PRRC2C: variants seen among roughly 807,000 people sequenced by gnomAD.
PRRC2C encodes the protein proline rich coiled-coil 2C.
Under a neutral mutation model 317.2 loss-of-function variants are expected in PRRC2C, and 72 were observed. The ratio of observed to expected loss-of-function variants is 0.23; its 90% CI spans 0.19 to 0.28. The LOEUF (loss-of-function observed/expected upper bound fraction) is 0.28, where lower values mean the gene tolerates loss of function less well. PRRC2C is among the 10% of genes least tolerant of loss of function. The pLI is 1.00. For synonymous variants in PRRC2C, 1,296 were observed against 1,205.9 expected, an observed-to-expected ratio of 1.07 and a Z score of -1.55; for missense variants, 3,074 against 3,459.7, an observed-to-expected ratio of 0.89 and a Z score of 2.80.
rs1237296830 is a variant in PRRC2C at position 171,586,093 on chromosome 1, G to A, written c.7750-910G>A. Among the ~76,000 whole-genome samples, 4 of 35,144 alleles carry A rather than the reference G, an allele frequency of 1.1e-4. 1 individual carries two copies. Among genetic ancestry groups the A allele is most frequent in the South Asian group, 9.8e-4 (1 of 1,016 alleles). The allele number at this position is 35,144 out of a possible 152,430, so 23.1% of individuals were successfully genotyped here. A position where few individuals can be genotyped will look rare whatever the true frequency, so the allele number is the denominator to read the frequency against. ...TTTTTTTTTTTTTTTTTGAGACGGA[G>A]TCTCCCTCACCCAGGCTGGAGTGCA... On this transcript the variant is annotated intron_variant, in intron 30 of 34. Coordinates refer to ENST00000647382, the MANE Select transcript of PRRC2C (RefSeq NM_001387844.1).
At chr1:171,542,559 A>T (rs1301256684) in intron 16 of PRRC2C, among the ~76,000 whole-genome samples, 1 of 152,142 alleles carries the variant, frequency 6.6e-6, no homozygotes, top group Admixed American at 6.5e-5. Context: ...CTTCTTTCTC[A>T]GTTTCTCCTA....
intron 16 of PRRC2C, among the ~76,000 whole-genome samples, chr1:171,542,438 A>G (rs1380720027): frequency 6.6e-6 from 1 of 152,198 alleles, no homozygotes; most frequent in Non-Finnish European, 1.5e-5. Flanking sequence ...GCTACGTTAC[A>G]TTTTCCAGAA....
Position 171,506,601 on chromosome 1 carries a change from C to CTTT in PRRC2C, c.-57-5419_-57-5417dup, listed in dbSNP as rs71107322. Among the ~76,000 whole-genome samples the CTTT allele has an allele frequency of 1.0e-3, 136 of 135,752 alleles. 2 individuals are homozygous for CTTT. Among genetic ancestry groups the CTTT allele is most frequent in the African/African-American group, 2.1e-3 (77 of 36,076 alleles). The allele number at this position is 135,752 out of a possible 152,430, so 89.1% of individuals were successfully genotyped here. Reference sequence around the variant, plus strand: ...AGTTGTCTTAAGGTTCACTTAAGGTCTTTTTTTTTTTTTTAAGCTTTTTCC... The same window carrying CTTT: ...AGTTGTCTTAAGGTTCACTTAAGGTCTTTTTTTTTTTTTTTTTAAGCTTTTTCC... On this transcript the variant is annotated intron_variant, in intron 1 of 34. Coordinates refer to ENST00000647382, the MANE Select transcript of PRRC2C (RefSeq NM_001387844.1).
At chr1:171,506,000 T>C (rs1670104577) in intron 1 of PRRC2C, among the ~76,000 whole-genome samples, 1 of 152,220 alleles carries the variant, frequency 6.6e-6, no homozygotes, top group South Asian at 2.1e-4. Flanking sequence ...CAATAGACTA[T>C]ACCATATAGC....
At chr1:171,521,233 T>C (rs1486475064) in intron 6 of PRRC2C, among the ~76,000 whole-genome samples, 1 of 152,228 alleles carries the variant, frequency 6.6e-6, no homozygotes, top group African/African-American at 2.4e-5. Context: ...AGGATATAAA[T>C]TATGTTTTTA....
At chr1:171,559,149 A>G (rs1173905191) in intron 19 of PRRC2C, among the ~76,000 whole-genome samples, 1 of 152,240 alleles carries the variant, frequency 6.6e-6, no homozygotes, top group Non-Finnish European at 1.5e-5. Context: ...CTATCACATT[A>G]AAGTGCAAGG....
At chr1:171,535,848 G>T (rs530577565) in intron 13 of PRRC2C, among the ~76,000 whole-genome samples, 181 bp from the exon 14 acceptor site, 6 of 152,128 alleles carry the variant, frequency 3.9e-5, no homozygotes, top group Non-Finnish European at 7.3e-5. Flanking sequence ...TGAGTATAAG[G>T]TAAAATGTTA....
chr1:171,496,375 G>T (rs529213632), intron 1 of PRRC2C, among the ~76,000 whole-genome samples: 1 of 151,668 alleles, frequency 6.6e-6, no homozygotes, highest in South Asian at 2.1e-4. Context: ...GCTAATTTTT[G>T]TATTTTTAGT....
chr1:171,590,853 ATAG>A (rs1651265334), intron 34 of PRRC2C, among the ~76,000 whole-genome samples: 1 of 152,196 alleles, frequency 6.6e-6, no homozygotes, highest in Non-Finnish European at 1.5e-5. Context: ...TTAGAGCTTA[ATAG>A]TAGTAATGGG....
intron 10 of PRRC2C, among the ~76,000 whole-genome samples, chr1:171,525,879 A>G (rs1460669687): frequency 1.3e-5 from 2 of 152,192 alleles, no homozygotes; most frequent in African/African-American, 2.4e-5. Flanking sequence ...AGTTTGATAT[A>G]GGAGAGAGGT....
At position 171,545,636 on chromosome 1, in the gene PRRC2C, C is replaced by A. The variant is rs773951826; in HGVS notation, c.4921C>A (p.Pro1641Thr). The change falls in exon 17 of 35, where the codon CCA becomes ACA. Residue 1641 changes from proline (P) to threonine (T), a missense_variant. Transcript: ENST00000647382. ...REDPKPGPKK[P>T]KEKVDALSQF... ...AGACCCCAAACCAGGCCCTAAAAAA[C>A]CAAAAGAGAAAGTGGATGCTCTATC... 3.3e-5 allele frequency: 53 copies of A among 1,613,088 alleles called. No individual in the cohort carries two copies. The highest frequency in any genetic ancestry group is 4.0e-5 in the African/African-American group (3 of 74,838).
chr1:171,587,149 A>C lies in PRRC2C; in HGVS notation c.7896A>C (p.Ala2632=), dbSNP rs768724579. Reference sequence around the variant, plus strand: ...AGGCTCAGAGTCTGAGTCGTCCTGCACAAGTAAGCCAGCCTTTCAGAGGAT... The same window carrying C: ...AGGCTCAGAGTCTGAGTCGTCCTGCCCAAGTAAGCCAGCCTTTCAGAGGAT... The part of the protein sequence containing the change: ...QAQAQSLSRP[A]QVSQPFRGLI... The change falls in exon 31 of 35, where the codon GCA becomes GCC. Residue 2632 remains alanine, a synonymous_variant. Coordinates refer to ENST00000647382, the MANE Select transcript of PRRC2C (RefSeq NM_001387844.1). 1 of 1,611,270 alleles carries C rather than the reference A, an allele frequency of 6.2e-7. No individual in the cohort carries two copies. Among genetic ancestry groups the C allele is most frequent in the East Asian group, 2.2e-5 (1 of 44,810 alleles).
intron 27 of PRRC2C, 61 bp from the exon 28 acceptor site, chr1:171,579,766 GT>G (rs1648092739): frequency 6.8e-7 from 1 of 1,462,452 alleles, no homozygotes; most frequent in Non-Finnish European, 9.1e-7. Context: ...ATATTCCAGT[GT>G]TAATGATTTA....
At chr1:171,535,715 A>G in intron 13 of PRRC2C, 118 bp downstream of exon 13, 1 of 1,256,352 alleles carries the variant, frequency 8.0e-7, no homozygotes. Flanking sequence ...CCTTGAAATT[A>G]TTTTTCCTTG....
chr1:171,537,199 C>A, intron 14 of PRRC2C, 64 bp from the exon 15 acceptor site: 2 of 1,255,780 alleles, frequency 1.6e-6, no homozygotes, highest in South Asian at 1.3e-5. Flanking sequence ...CTATGTCTAT[C>A]ATGGTTTTGT....
chr1:171,493,186 A>C (rs2102049699), intron 1 of PRRC2C, among the ~76,000 whole-genome samples: 1 of 152,334 alleles, frequency 6.6e-6, no homozygotes, highest in Middle Eastern at 3.4e-3. Context: ...AATTCTCTAC[A>C]CTTAATAAAT....
intron 18 of PRRC2C, among the ~76,000 whole-genome samples, chr1:171,553,760 C>T (rs916247115): frequency 2.6e-5 from 4 of 152,130 alleles, no homozygotes; most frequent in African/African-American, 7.2e-5. Flanking sequence ...TGTTCAGTTT[C>T]CATGTAGTTG....
Position 171,526,805 on chromosome 1 carries a change from C to CTTTTTTTTTTTTTTTTT in PRRC2C, c.1201-981_1201-965dup. 4.0e-3 allele frequency among the ~76,000 whole-genome samples: 365 copies of CTTTTTTTTTTTTTTTTT among 90,192 alleles called. 57 individuals carry two copies. Among genetic ancestry groups the CTTTTTTTTTTTTTTTTT allele is most frequent in the South Asian group, 7.6e-3 (13 of 1,708 alleles). 59.2% of individuals were successfully genotyped at this position (90,192 alleles called of 152,430 possible). On this transcript the variant is annotated intron_variant, in intron 10 of 34. Coordinates refer to ENST00000647382, the MANE Select transcript of PRRC2C (RefSeq NM_001387844.1). ...AAAATCATTACATTCAGAAATATAT[C>CTTTTTTTTTTTTTTTTT]TTTTTTTTTTTTTTTTTTTTTGAGA...
rs374531002 is a variant in PRRC2C at position 171,550,252 on chromosome 1, G to C, written c.5127+12G>C. ...AACAAGTCATACAGGTTTAAATCTT[G>C]TTTCAACTTGTTGCTAGTTATCTAG... On this transcript the variant is annotated intron_variant, in intron 18 of 34. Transcript: ENST00000647382. 1 of 1,549,036 alleles carries C rather than the reference G, an allele frequency of 6.5e-7. No homozygotes were observed. The highest frequency in any genetic ancestry group is 8.7e-7 in the Non-Finnish European group (1 of 1,145,330).
Sources: allele counts gnomAD v4.1 joint callset (sites outside exome capture counted in the v4.1 genomes callset), GRCh38; gene constraint gnomAD v4.1.1; transcripts MANE v1.5; gene names NCBI Gene and HGNC (gene_info 2026-07-23, HGNC 2026-07-21).